Variants in KDM6A observed in about 807,000 individuals in gnomAD.
KDM6A encodes lysine demethylase 6A.
In KDM6A, 11 loss-of-function variants were observed where a neutral mutation model predicts 117.6. The observed-to-expected ratio is 0.09, with a 90% CI of 0.06 to 0.15. The LOEUF (loss-of-function observed/expected upper bound fraction) is 0.15, where lower values mean the gene tolerates loss of function less well. Ranked by LOEUF, KDM6A falls within the 10% of genes least tolerant of loss-of-function variation. KDM6A has a pLI of 1.00. For synonymous variants in KDM6A, 384 were observed against 396.1 expected (o/e 0.97, Z 0.36); for missense variants, 799 against 1,077.3 (o/e 0.74, Z 3.62).
Position 44,982,362 on chromosome X carries a change from G to T in KDM6A, c.384+7647G>T, listed in dbSNP as rs753943772. ...TTTTATAACCCTAATTTTATAAAGGGTTTGATAGAGTTGTGCTAAAATTTA... is the reference window on the plus strand; with the variant it reads ...TTTTATAACCCTAATTTTATAAAGGTTTTGATAGAGTTGTGCTAAAATTTA... On this transcript the variant is annotated intron_variant, in intron 4 of 29. Coordinates refer to ENST00000611820, the MANE Select transcript of KDM6A (RefSeq NM_001291415.2). Among the ~76,000 whole-genome samples the T allele has an allele frequency of 7.2e-5, 8 of 110,934 alleles. No homozygotes were observed. The South Asian group carries it at 2.6e-3, about 37-fold the overall frequency.
At chrX:45,026,714 C>G (rs1322137166) in intron 6 of KDM6A, among the ~76,000 whole-genome samples, 1 of 106,594 alleles carries the variant, frequency 9.4e-6, no homozygotes, top group African/African-American at 3.4e-5. Flanking sequence ...GCCTGTAGTC[C>G]CAGCTACTCC....
chrX:45,064,545 T>C (rs1300506790), intron 17 of KDM6A, among the ~76,000 whole-genome samples: 5 of 112,375 alleles, frequency 4.4e-5, no homozygotes, highest in African/African-American at 1.3e-4. Flanking sequence ...AATTTCTAAG[T>C]TTTTACTTCT....
chrX:45,035,018 T>C (rs939907842), intron 7 of KDM6A, 33 bp downstream of exon 7: 3 of 1,003,183 alleles, frequency 3.0e-6, no homozygotes, highest in Non-Finnish European at 2.8e-6. Flanking sequence ...GTTTTCTACA[T>C]GTATTCCGAT....
chrX:44,944,735 A>G (rs1034257033), intron 2 of KDM6A, among the ~76,000 whole-genome samples: 1 of 112,157 alleles, frequency 8.9e-6, no homozygotes, highest in Non-Finnish European at 1.9e-5. Context: ...TAGTTTATAG[A>G]AATGTAATTT....
intron 8 of KDM6A, among the ~76,000 whole-genome samples, chrX:45,040,650 G>A (rs1259491567): frequency 1.2e-5 from 1 of 84,038 alleles, no homozygotes; most frequent in Non-Finnish European, 2.3e-5. Flanking sequence ...CCTCCCGGAC[G>A]GGGCGGCTGG....
intron 6 of KDM6A, among the ~76,000 whole-genome samples, chrX:45,031,583 A>G (rs2042603681): frequency 8.9e-6 from 1 of 112,076 alleles, no homozygotes; most frequent in Admixed American, 9.5e-5. Flanking sequence ...GAATCAGAAC[A>G]TTCTAGATTG....
chrX:44,980,146 G>A (rs978050573), intron 4 of KDM6A, among the ~76,000 whole-genome samples: 5 of 107,502 alleles, frequency 4.7e-5, no homozygotes, highest in Admixed American at 3.9e-4. Context: ...ATAGGCCCAC[G>A]CCACCACGCC....
chrX:45,003,455 G>A (rs1336425928), intron 4 of KDM6A, among the ~76,000 whole-genome samples: 1 of 93,317 alleles, frequency 1.1e-5, no homozygotes, highest in African/African-American at 4.0e-5. Context: ...TAGCAAAACA[G>A]TTGTCGCTAC....
chrX:45,082,809 T>G lies in KDM6A; in HGVS notation c.3440+20T>G, dbSNP rs374117421. On this transcript the variant is annotated intron_variant, in intron 23 of 29. Transcript: ENST00000611820. Reference sequence around the variant, plus strand: ...CAAAAAGTAAGTCCTTGTAGTAATATTTCTGTGAACTGATGCAAAGAGTTA... The same window carrying G: ...CAAAAAGTAAGTCCTTGTAGTAATAGTTCTGTGAACTGATGCAAAGAGTTA... 59 of 1,031,629 alleles carry G rather than the reference T, an allele frequency of 5.7e-5. No individual in the cohort carries two copies. Among genetic ancestry groups the G allele is most frequent in the Non-Finnish European group, 7.9e-5 (58 of 733,836 alleles). The allele number at this position is 1,031,629 out of a possible 1,213,427, so 85.0% of individuals were successfully genotyped here.
At chrX:44,913,124 C>T (rs753782321) in intron 2 of KDM6A, among the ~76,000 whole-genome samples, 1 of 111,607 alleles carries the variant, frequency 9.0e-6, no homozygotes. Context: ...CTTTCTGCTC[C>T]TCCTCCTCTT....
intron 3 of KDM6A, among the ~76,000 whole-genome samples, chrX:44,969,411 C>CTTTTTTT (rs11288771): frequency 1.0e-3 from 36 of 35,863 alleles, no homozygotes; most frequent in Non-Finnish European, 1.4e-3. Flanking sequence ...CTCTTTTTAT[C>CTTTTTTT]TTTTTTTTTT....
At chrX:45,103,286 C>T (rs762394163) in intron 27 of KDM6A, among the ~76,000 whole-genome samples, 1 of 110,974 alleles carries the variant, frequency 9.0e-6, no homozygotes, top group Non-Finnish European at 1.9e-5. Flanking sequence ...GTTGTTTGTT[C>T]CCCAAAGAAG....
chrX:45,050,264 C>T (rs937548917), intron 8 of KDM6A, among the ~76,000 whole-genome samples: 5 of 112,506 alleles, frequency 4.4e-5, no homozygotes, highest in Non-Finnish European at 7.5e-5. Context: ...CACTTGAACC[C>T]GGGAGGCGGA....
At chrX:44,907,574 G>A (rs1471800146) in intron 2 of KDM6A, among the ~76,000 whole-genome samples, 11 of 103,497 alleles carry the variant, frequency 1.1e-4, no homozygotes, top group African/African-American at 3.9e-4. Flanking sequence ...TTCACTTCCC[G>A]TGTTCTCAAG....
intron 4 of KDM6A, among the ~76,000 whole-genome samples, chrX:45,009,021 C>T (rs1009058494): frequency 8.9e-6 from 1 of 111,819 alleles, no homozygotes; most frequent in Admixed American, 9.5e-5. Flanking sequence ...AATTTTAGGA[C>T]AAACTTTAGC....
At chrX:44,912,382 C>G (rs1264826071) in intron 2 of KDM6A, among the ~76,000 whole-genome samples, 1 of 111,820 alleles carries the variant, frequency 8.9e-6, no homozygotes, top group Non-Finnish European at 1.9e-5. Flanking sequence ...AGCCACTGTT[C>G]CTGGCCTTTT....
Position 45,089,944 on chromosome X carries a change from T to G in KDM6A, c.3892+14T>G. ...GTCCACTTACAGGTATTATAAAGAATATGCTTTAAAAAAGTTAATTTATAA... is the reference window on the plus strand; with the variant it reads ...GTCCACTTACAGGTATTATAAAGAAGATGCTTTAAAAAAGTTAATTTATAA... On this transcript the variant is annotated intron_variant, in intron 26 of 29. Transcript: ENST00000611820. 8.4e-7 allele frequency: 1 copy of G among 1,190,748 alleles called. No homozygotes were observed. Among genetic ancestry groups the G allele is most frequent in the Non-Finnish European group, 1.1e-6 (1 of 878,250 alleles).
intron 2 of KDM6A, among the ~76,000 whole-genome samples, chrX:44,953,069 T>C (rs1034197729): frequency 9.0e-6 from 1 of 110,701 alleles, no homozygotes; most frequent in Non-Finnish European, 1.9e-5. Context: ...CACCGAACTT[T>C]GTTTTTTTTT....
rs2031033186 is a variant in KDM6A, at chrX:44,873,420, C to T, written c.-132C>T. On this transcript the variant is annotated 5_prime_UTR_variant, in exon 1 of 30. Transcript: ENST00000611820. ...CCGCCGCGTTGGGATTTTTCGTCGC[C>T]GCCGCCCGCGGCGGAGGAGGAGGCG... The T allele has an allele frequency of 2.0e-6, 2 of 979,979 alleles. No individual in the cohort carries two copies. Among genetic ancestry groups the T allele is most frequent in the Non-Finnish European group, 2.8e-6 (2 of 718,448 alleles). The allele number at this position is 979,979 out of a possible 1,213,427, so 80.8% of individuals were successfully genotyped here. A position where few individuals can be genotyped will look rare whatever the true frequency, so the allele number is the denominator to read the frequency against.
Sources: allele counts gnomAD v4.1 joint callset (sites outside exome capture counted in the v4.1 genomes callset), GRCh38; gene constraint gnomAD v4.1.1; transcripts MANE v1.5; gene names NCBI Gene and HGNC (gene_info 2026-07-23, HGNC 2026-07-21).